PDE3B: variants seen among roughly 807,000 people sequenced by gnomAD.
The protein encoded by PDE3B is phosphodiesterase 3B, also known as cGMP-inhibited 3',5'-cyclic phosphodiesterase 3B.
Under a neutral mutation model 116.8 loss-of-function variants are expected in PDE3B, and 66 were observed. The ratio of observed to expected loss-of-function variants is 0.56; its 90% confidence interval spans 0.46 to 0.69. The LOEUF (loss-of-function observed/expected upper bound fraction) is 0.69. Ranked by LOEUF, PDE3B falls within the 30% of genes least tolerant of loss-of-function variation. The probability of loss-of-function intolerance (pLI) is 0.00; values close to 1 mark genes in which losing one functional copy is unlikely to be tolerated. For synonymous variants in PDE3B, 595 were observed against 533.6 expected (o/e 1.12, Z -1.59); for missense variants, 1,384 against 1,368.1 (o/e 1.01, Z -0.18).
intron 1 of PDE3B, among the ~76,000 whole-genome samples, chr11:14,662,881 T>C (rs998350109): frequency 6.6e-6 from 1 of 152,132 alleles, no homozygotes; most frequent in Non-Finnish European, 1.5e-5. Flanking sequence ...TGGAAAACAC[T>C]CTGCAGGATA....
the PDE3B span, chr11:14,891,500 G>C: frequency 1.0e-6 from 1 of 994,320 alleles, no homozygotes; most frequent in African/African-American, 1.7e-5. Context: ...GCCTACACCA[G>C]TCGTTCGTCG....
intron 8 of PDE3B, among the ~76,000 whole-genome samples, 185 bp from the exon 9 acceptor site, chr11:14,831,455 G>A (rs1440093952): frequency 2.0e-5 from 3 of 151,838 alleles, no homozygotes; most frequent in Non-Finnish European, 2.9e-5. Flanking sequence ...TATGTTTTTA[G>A]TTTTTGAAGA....
chr11:14,687,928 C>G (rs1376621985), intron 1 of PDE3B, among the ~76,000 whole-genome samples: 2 of 151,986 alleles, frequency 1.3e-5, no homozygotes, highest in Non-Finnish European at 2.9e-5. Flanking sequence ...AAAATATATA[C>G]TTTTCATTAT....
At chr11:14,744,890 G>A (rs540020259) in intron 1 of PDE3B, among the ~76,000 whole-genome samples, 3 of 152,210 alleles carry the variant, frequency 2.0e-5, no homozygotes, top group South Asian at 4.1e-4. Context: ...AAAGCCCAGG[G>A]GATAGGGTTA....
chr11:14,712,787 T>G (rs1425210799), intron 1 of PDE3B, among the ~76,000 whole-genome samples: 3 of 152,234 alleles, frequency 2.0e-5, no homozygotes, highest in Non-Finnish European at 4.4e-5. Flanking sequence ...GGTGTGTTTT[T>G]AAAGTAGAAG....
intron 1 of PDE3B, among the ~76,000 whole-genome samples, chr11:14,741,958 C>A (rs538792475): frequency 2.0e-5 from 3 of 151,396 alleles, no homozygotes; most frequent in South Asian, 4.2e-4. Flanking sequence ...CCGAGAGATC[C>A]GCTGTTAGTC....
chr11:14,800,173 C>G (rs982035442), intron 4 of PDE3B, among the ~76,000 whole-genome samples: 1 of 152,122 alleles, frequency 6.6e-6, no homozygotes, highest in Non-Finnish European at 1.5e-5. Flanking sequence ...TATTTTATTT[C>G]TCCTTCACTT....
At chr11:14,784,698 A>G (rs1172578162) in intron 2 of PDE3B, among the ~76,000 whole-genome samples, 1 of 152,140 alleles carries the variant, frequency 6.6e-6, no homozygotes, top group Non-Finnish European at 1.5e-5. Context: ...TTTACCTTAA[A>G]AGGATACAAT....
At position 14,645,029 on chromosome 11, in the gene PDE3B, G is replaced by C; in HGVS notation, c.954G>C (p.Ser318=). The C allele has an allele frequency of 6.2e-7, 1 of 1,610,800 alleles. No homozygotes were observed. Among genetic ancestry groups the C allele is most frequent in the South Asian group, 1.1e-5 (1 of 90,836 alleles). ...GTTGCAAAATATTCAGGAGACCGTC[G>C]TTGCCTTGTATTTCCAGAGAACAGG... The part of the protein sequence containing the change: ...YGSCKIFRRP[S]LPCISREQMI... The change falls in exon 1 of 16, where the codon TCG becomes TCC. Residue 318 remains serine (S), a synonymous_variant. Transcript: ENST00000282096.
At chr11:14,667,422 C>G (rs1854201513) in intron 1 of PDE3B, among the ~76,000 whole-genome samples, 1 of 148,976 alleles carries the variant, frequency 6.7e-6, no homozygotes, top group Non-Finnish European at 1.5e-5. Context: ...TACCCTAAAA[C>G]TTAAAGTATA....
At chr11:14,895,590 T>C in the PDE3B span, among the ~76,000 whole-genome samples, 3 of 152,058 alleles carry the variant, frequency 2.0e-5, no homozygotes, top group Non-Finnish European at 4.4e-5. Flanking sequence ...TGCACTTGGA[T>C]TTTCATTGTG....
At chr11:14,758,892 T>C (rs1028478079) in intron 1 of PDE3B, among the ~76,000 whole-genome samples, 5 of 151,988 alleles carry the variant, frequency 3.3e-5, no homozygotes, top group African/African-American at 7.3e-5. Context: ...CAGTATGATA[T>C]TGGCTGTGGG....
In PDE3B at chr11:14,859,089, C is replaced by T. The variant is rs1847900518; in HGVS notation, c.2567C>T (p.Ala856Val). 3 of 1,613,394 alleles carry T rather than the reference C, an allele frequency of 1.9e-6. No individual in the cohort carries two copies. Among genetic ancestry groups the T allele is most frequent in the Non-Finnish European group, 2.5e-6 (3 of 1,179,592 alleles). Reference sequence around the variant, plus strand: ...TCTGTTCTGGAAAATCATCATGCTGCGTCAGCTTGGAATCTATATCTTTCT... The same window carrying T: ...TCTGTTCTGGAAAATCATCATGCTGTGTCAGCTTGGAATCTATATCTTTCT... Reference protein sequence around the residue: ...DRSVLENHHAASAWNLYLSRP... With the variant: ...DRSVLENHHAVSAWNLYLSRP... Residue 856 changes from alanine (A) to valine (V), a missense_variant, in exon 13 of 16, where the codon GCG becomes GTG. This residue lies in a region of PDE3B where 428 missense variants were observed against 561.4 expected (regional missense o/e 0.76). Transcript: ENST00000282096.
At chr11:14,881,267 A>G in the PDE3B span, among the ~76,000 whole-genome samples, 8 of 152,254 alleles carry the variant, frequency 5.3e-5, no homozygotes, top group Admixed American at 2.6e-4. Flanking sequence ...TGACAGGGGT[A>G]AGGGTACTCT....
At chr11:14,776,156 G>A (rs1236974214) in intron 2 of PDE3B, 1 of 152,278 alleles carries the variant, frequency 6.6e-6, no homozygotes. Flanking sequence ...AGCAACATAA[G>A]GTGACACAGG....
chr11:14,771,908 T>C (rs1331782191), intron 1 of PDE3B, 29 bp from the exon 2 acceptor site: 2 of 1,139,266 alleles, frequency 1.8e-6, no homozygotes, highest in Admixed American at 2.9e-5. Flanking sequence ...TTATTTTTGG[T>C]TTGTAACCAA....
At chr11:14,676,307 C>G (rs1257023555) in intron 1 of PDE3B, among the ~76,000 whole-genome samples, 1 of 152,134 alleles carries the variant, frequency 6.6e-6, no homozygotes, top group African/African-American at 2.4e-5. Flanking sequence ...CTTACACAAA[C>G]CTAGATGTTA....
chr11:14,891,944 G>C, the PDE3B span: 7 of 1,603,676 alleles, frequency 4.4e-6, no homozygotes, highest in Non-Finnish European at 5.1e-6. Context: ...GGGCCAGCCT[G>C]GCGGCCCTCC....
chr11:14,690,680 G>A lies in PDE3B; in HGVS notation c.978+45627G>A, dbSNP rs535683011. ...GAAGGTTCAGGCCCAACAATACCTG[G>A]GAGGCACAGAATCATGGAAGTTAAG... On this transcript the variant is annotated intron_variant, in intron 1 of 15. Transcript: ENST00000282096. Among the ~76,000 whole-genome samples the A allele has an allele frequency of 8.4e-4, 128 of 151,598 alleles. 1 individual carries two copies. Among genetic ancestry groups the A allele is most frequent in the Middle Eastern group, 3.4e-3 (1 of 294 alleles).
Sources: allele counts gnomAD v4.1 joint callset (sites outside exome capture counted in the v4.1 genomes callset), GRCh38; gene constraint gnomAD v4.1.1; regional missense constraint gnomAD v4.1.1; transcripts MANE v1.5; gene names NCBI Gene and HGNC (gene_info 2026-07-23, HGNC 2026-07-21).